THADA: variants seen among roughly 807,000 people sequenced by gnomAD.
THADA encodes THADA armadillo repeat containing.
In THADA, 213 loss-of-function variants were observed where a neutral mutation model predicts 219.8. The ratio of observed to expected loss-of-function variants is 0.97; its 90% CI spans 0.87 to 1.09. The LOEUF (loss-of-function observed/expected upper bound fraction) is 1.09. Ranked by LOEUF, THADA falls within the 50% of genes least tolerant of loss-of-function variation. The pLI, the probability that THADA is intolerant of heterozygous loss-of-function variation, is 0.00. For missense variants in THADA, 2,956 were observed against 2,311.3 expected, an observed-to-expected ratio of 1.28 and a Z score of -5.72; for synonymous variants, 1,018 against 828.9, an observed-to-expected ratio of 1.23 and a Z score of -3.92.
intron 22 of THADA, among the ~76,000 whole-genome samples, chr2:43,520,968 G>GAAGGGAGGGAGGAAGGGAGGA (rs1391531572): frequency 8.0e-6 from 1 of 125,344 alleles, no homozygotes; most frequent in Non-Finnish European, 1.7e-5. Flanking sequence ...AGGAAGGGAG[G>GAAGGGAGGGAGGAAGGGAGGA]AAGGGAGGGA....
intron 29 of THADA, among the ~76,000 whole-genome samples, chr2:43,389,946 CTTGAGAGCAGAG>C (rs1673151860): frequency 6.6e-6 from 1 of 152,182 alleles, no homozygotes; most frequent in African/African-American, 2.4e-5. Context: ...TCATAAGCTT[CTTGAGAGCAGAG>C]AATATGCTAT....
intron 11 of THADA, 39 bp from the exon 12 acceptor site, chr2:43,573,031 A>G (rs771845426): frequency 6.6e-7 from 1 of 1,507,028 alleles, no homozygotes; most frequent in Non-Finnish European, 9.0e-7. Context: ...TGTATTATGC[A>G]ATGACTACTA....
intron 14 of THADA, among the ~76,000 whole-genome samples, chr2:43,569,803 A>G (rs1162334237): frequency 6.6e-6 from 1 of 152,164 alleles, no homozygotes; most frequent in Non-Finnish European, 1.5e-5. Flanking sequence ...AACAGTGAAA[A>G]GCTCAATCTG....
Position 43,372,892 on chromosome 2 carries a change from C to T in THADA, c.4227+25079G>A, listed in dbSNP as rs369970053. On this transcript the variant is annotated intron_variant, in intron 29 of 37. Transcript: ENST00000405975. Reference sequence around the variant, plus strand: ...TAATTTTTTGTATCTTTAGTAGAGACGAGGTTTCACTATGTTAGCCAGGCT... The same window carrying T: ...TAATTTTTTGTATCTTTAGTAGAGATGAGGTTTCACTATGTTAGCCAGGCT... Among the ~76,000 whole-genome samples the T allele has an allele frequency of 9.9e-5, 15 of 152,126 alleles. No individual in the cohort carries two copies. In the East Asian group the frequency reaches 1.4e-3, roughly 14 times the overall value.
At chr2:43,455,887 A>G (rs1427471491) in intron 26 of THADA, among the ~76,000 whole-genome samples, 3 of 152,210 alleles carry the variant, frequency 2.0e-5, no homozygotes, top group Non-Finnish European at 1.5e-5. Context: ...CAACTTTTAC[A>G]TTCTGTTCCT....
At chr2:43,384,947 C>A (rs895572977) in intron 29 of THADA, among the ~76,000 whole-genome samples, 1 of 152,038 alleles carries the variant, frequency 6.6e-6, no homozygotes, top group Non-Finnish European at 1.5e-5. Context: ...TCTAGATAAG[C>A]CGGGCTAACA....
intron 36 of THADA, among the ~76,000 whole-genome samples, chr2:43,263,899 C>T (rs1463254971): frequency 6.6e-6 from 1 of 152,112 alleles, no homozygotes; most frequent in Non-Finnish European, 1.5e-5. Flanking sequence ...CTCACCCCAC[C>T]CCTCAACAAT....
chr2:43,382,543 AGT>A (rs1283208248), intron 29 of THADA, among the ~76,000 whole-genome samples: 1 of 152,208 alleles, frequency 6.6e-6, no homozygotes, highest in Non-Finnish European at 1.5e-5. Flanking sequence ...AGCAAAAGAG[AGT>A]TGGTGTCACC....
rs570457152 is a variant in THADA, at chr2:43,393,365, A to T, written c.4227+4606T>A. Among the ~76,000 whole-genome samples the T allele has an allele frequency of 4.5e-3, 681 of 152,312 alleles. 2 individuals carry two copies. Among genetic ancestry groups the T allele is most frequent in the Middle Eastern group, 0.014 (4 of 294 alleles). Reference sequence around the variant, plus strand: ...GCCATAAAAAGCTGTTATTCACATCAGAGGCAGCACATTCTAAAGAAAATA... The same window carrying T: ...GCCATAAAAAGCTGTTATTCACATCTGAGGCAGCACATTCTAAAGAAAATA... On this transcript the variant is annotated intron_variant, in intron 29 of 37. Coordinates refer to ENST00000405975, the MANE Select transcript of THADA (RefSeq NM_022065.5).
intron 26 of THADA, among the ~76,000 whole-genome samples, chr2:43,466,232 G>A (rs1469601312): frequency 1.3e-5 from 2 of 152,182 alleles, no homozygotes; most frequent in African/African-American, 2.4e-5. Flanking sequence ...TCAATGCTAC[G>A]ACTGGAGAAT....
At chr2:43,503,998 C>T (rs770348804) in intron 24 of THADA, among the ~76,000 whole-genome samples, 8 of 151,970 alleles carry the variant, frequency 5.3e-5, no homozygotes, top group Admixed American at 2.6e-4. Context: ...TAAGGAAATG[C>T]TAATTGGAGC....
chr2:43,375,608 T>G lies in THADA; in HGVS notation c.4227+22363A>C, dbSNP rs577743580. ...GCGTTAAAGTGAAGCTAGCATGCAC[T>G]TCAAAATAATTTTACACAGAGGAAA... On this transcript the variant is annotated intron_variant, in intron 29 of 37. Coordinates refer to ENST00000405975, the MANE Select transcript of THADA (RefSeq NM_022065.5). 3.9e-5 allele frequency among the ~76,000 whole-genome samples: 6 copies of G among 152,336 alleles called. No individual in the cohort carries two copies. The South Asian group carries it at 1.2e-3, about 32-fold the overall frequency.
intron 21 of THADA, among the ~76,000 whole-genome samples, chr2:43,540,274 T>C (rs1391955199): frequency 6.6e-6 from 1 of 152,240 alleles, no homozygotes; most frequent in Non-Finnish European, 1.5e-5. Flanking sequence ...CGCCTTTGCC[T>C]TTCTTCATCT....
At chr2:43,302,949 CTA>C (rs1676433330) in intron 31 of THADA, among the ~76,000 whole-genome samples, 1 of 151,174 alleles carries the variant, frequency 6.6e-6, no homozygotes, top group Admixed American at 6.6e-5. Flanking sequence ...AACTAAGAAA[CTA>C]AAAAAAACTA....
intron 25 of THADA, chr2:43,486,413 G>A (rs1380248752): frequency 5.3e-5 from 8 of 152,230 alleles, no homozygotes; most frequent in Non-Finnish European, 1.2e-4. Flanking sequence ...GTAAAAATCG[G>A]TGTAGAGATA....
intron 31 of THADA, among the ~76,000 whole-genome samples, chr2:43,309,830 A>G (rs1367953431): frequency 6.6e-6 from 1 of 152,226 alleles, no homozygotes; most frequent in Non-Finnish European, 1.5e-5. Context: ...GGAGTCCACA[A>G]TAGAACCTAT....
chr2:43,409,587 A>G (rs1676027285), intron 28 of THADA, among the ~76,000 whole-genome samples: 1 of 152,164 alleles, frequency 6.6e-6, no homozygotes, highest in Non-Finnish European at 1.5e-5. Flanking sequence ...TTATACTGCC[A>G]GTCAAAAAAA....
intron 30 of THADA, among the ~76,000 whole-genome samples, chr2:43,334,389 A>G (rs1444598639): frequency 6.6e-6 from 1 of 152,122 alleles, no homozygotes; most frequent in African/African-American, 2.4e-5. Context: ...TTGGGGTAGC[A>G]AGTCATTAGG....
intron 36 of THADA, among the ~76,000 whole-genome samples, chr2:43,260,144 C>T (rs549362203): frequency 2.7e-4 from 41 of 152,264 alleles, no homozygotes; most frequent in Admixed American, 2.2e-3. Context: ...CCACCACATC[C>T]AGCTGGTCTC....
Sources: gnomAD v4.1 joint callset for allele counts (sites outside exome capture counted in the v4.1 genomes callset) on GRCh38, gnomAD v4.1.1 for gene constraint, MANE v1.5 for transcripts, NCBI Gene and HGNC (gene_info 2026-07-23, HGNC 2026-07-21) for gene names.